SPRY3: variants seen among roughly 807,000 people sequenced by gnomAD.
The protein encoded by SPRY3 is sprouty RTK signaling antagonist 3.
In SPRY3, 15 loss-of-function variants were observed where a neutral mutation model predicts 20.2. The ratio of observed to expected loss-of-function variants is 0.74; its 90% CI spans 0.50 to 1.14. The LOEUF (loss-of-function observed/expected upper bound fraction) is 1.14. Among genes scored for constraint, SPRY3 ranks in the 50% most tolerant of loss-of-function variants. SPRY3 has a pLI of 0.00. For missense variants in SPRY3, 364 were observed against 363.9 expected (o/e 1.00, Z 0.00); for synonymous variants, 143 against 136.5 (o/e 1.05, Z -0.33).
At chrX:155,714,456 A>G (rs1248609966) in intron 2 of SPRY3, among the ~76,000 whole-genome samples, 1 of 152,192 alleles carries the variant, frequency 6.6e-6, no homozygotes, top group East Asian at 1.9e-4. Context: ...AAGATCTGGA[A>G]GAATTATCTG....
intron 2 of SPRY3, among the ~76,000 whole-genome samples, chrX:155,758,731 A>G (rs2091292716): frequency 6.6e-6 from 1 of 152,212 alleles, no homozygotes; most frequent in African/African-American, 2.4e-5. Context: ...AAAACAAAAC[A>G]TGACAAAATG....
intron 2 of SPRY3, among the ~76,000 whole-genome samples, chrX:155,766,333 G>A (rs2091329623): frequency 1.3e-5 from 2 of 152,086 alleles, no homozygotes; most frequent in Non-Finnish European, 2.9e-5. Context: ...TAGAAAGGAC[G>A]TTAGCAATTA....
chrX:155,779,442 C>G (rs371317088), downstream of SPRY3: 3 of 166,952 alleles, frequency 1.8e-5, no homozygotes, highest in African/African-American at 4.8e-5. Flanking sequence ...CTTCCTGAAC[C>G]TATTTATTCT....
At chrX:155,741,881 CTACTAA>C (rs2091205932) in intron 2 of SPRY3, among the ~76,000 whole-genome samples, 1 of 152,150 alleles carries the variant, frequency 6.6e-6, no homozygotes, top group South Asian at 2.1e-4. Context: ...TTGCCAGCCA[CTACTAA>C]AACACACTGA....
chrX:155,639,968 G>T (rs1272404275), intron 1 of SPRY3, among the ~76,000 whole-genome samples: 1 of 112,323 alleles, frequency 8.9e-6, no homozygotes, highest in Non-Finnish European at 1.9e-5. Flanking sequence ...AATTAATTAT[G>T]TTGGGCATCT....
chrX:155,643,430 T>C (rs1208906180), intron 1 of SPRY3, among the ~76,000 whole-genome samples: 7 of 112,003 alleles, frequency 6.2e-5, no homozygotes, highest in Non-Finnish European at 1.3e-4. Context: ...CTGTGTCTTT[T>C]GATTGGAGAG....
intron 2 of SPRY3, among the ~76,000 whole-genome samples, chrX:155,695,329 A>G (rs752230552): frequency 1.8e-5 from 2 of 111,901 alleles, no homozygotes; most frequent in South Asian, 7.5e-4. Context: ...TCTATGGGTT[A>G]TGATGAGAAG....
chrX:155,763,622 C>T (rs957538465), intron 2 of SPRY3, among the ~76,000 whole-genome samples: 14 of 152,132 alleles, frequency 9.2e-5, no homozygotes, highest in Non-Finnish European at 1.8e-4. Flanking sequence ...CAATATACCT[C>T]TTACATAAGA....
At position 155,684,460 on chromosome X, in the gene SPRY3, A is replaced by G. The variant is rs770062501; in HGVS notation, c.-282+27435A>G. The stretch of plus-strand genomic sequence containing the variant: ...TTTCACAATTCATTTAGAATCAATA[A>G]ATCTATTTAGAATCAGTATTTTACT... On this transcript the variant is annotated intron_variant, in intron 2 of 3. Coordinates refer to ENST00000675360, the Ensembl canonical transcript of SPRY3. 9.0e-5 allele frequency among the ~76,000 whole-genome samples: 10 copies of G among 111,688 alleles called. No homozygotes were observed. In the South Asian group the frequency reaches 3.8e-3, roughly 43 times the overall value.
chrX:155,615,258 C>G (rs1402870939), intron 1 of SPRY3, among the ~76,000 whole-genome samples: 1 of 112,738 alleles, frequency 8.9e-6, no homozygotes, highest in Non-Finnish European at 1.9e-5. Context: ...GACTCTTGCT[C>G]TAGGCCAAAT....
intron 2 of SPRY3, among the ~76,000 whole-genome samples, chrX:155,719,243 A>T (rs1439202424): frequency 6.6e-6 from 1 of 152,136 alleles, no homozygotes; most frequent in Non-Finnish European, 1.5e-5. Flanking sequence ...AACTCAGCTG[A>T]TGCCCGCCCA....
chrX:155,629,663 C>T (rs1167196502), intron 1 of SPRY3, among the ~76,000 whole-genome samples: 1 of 111,784 alleles, frequency 8.9e-6, no homozygotes, highest in African/African-American at 3.3e-5. Flanking sequence ...TCCTCTCCAG[C>T]ACCTGTTGTT....
At chrX:155,613,275 AAGTCATATACCGCTCATT>A (rs782142702) in intron 1 of SPRY3, among the ~76,000 whole-genome samples, 135 of 111,694 alleles carry the variant, frequency 1.2e-3, no homozygotes, top group African/African-American at 4.0e-3. Flanking sequence ...GAGTTTATGG[AAGTCATATACCGCTCATT>A]ACTCCCATCG....
intron 2 of SPRY3, among the ~76,000 whole-genome samples, chrX:155,671,693 T>C (rs782774848): frequency 6.0e-4 from 67 of 111,731 alleles, no homozygotes; most frequent in African/African-American, 2.2e-3. Context: ...GCCATTGCTT[T>C]TGGTGTTTTA....
intron 1 of SPRY3, among the ~76,000 whole-genome samples, chrX:155,625,853 T>TGAGCA (rs1227992332): frequency 8.9e-6 from 1 of 111,874 alleles, no homozygotes; most frequent in African/African-American, 3.2e-5. Context: ...ATTATTTCAC[T>TGAGCA]GAGCATAATG....
At chrX:155,708,404 A>G (rs2090965020) in intron 2 of SPRY3, among the ~76,000 whole-genome samples, 1 of 151,272 alleles carries the variant, frequency 6.6e-6, no homozygotes, top group Non-Finnish European at 1.5e-5. Flanking sequence ...ATTCCCTTAT[A>G]CATGATGAGT....
chrX:155,752,561 C>T, intron 2 of SPRY3, among the ~76,000 whole-genome samples: 1 of 151,300 alleles, frequency 6.6e-6, no homozygotes, highest in East Asian at 1.9e-4. Flanking sequence ...CTATTAAGTT[C>T]TTACAGATCC....
intron 2 of SPRY3, among the ~76,000 whole-genome samples, chrX:155,722,083 T>C (rs973681145): frequency 1.3e-5 from 2 of 152,196 alleles, no homozygotes; most frequent in East Asian, 3.8e-4. Context: ...AGTTAAGGTA[T>C]AGAGTTTTTA....
chrX:155,771,773 A>G (rs1389484040), intron 3 of SPRY3, among the ~76,000 whole-genome samples: 1 of 152,194 alleles, frequency 6.6e-6, no homozygotes, highest in Non-Finnish European at 1.5e-5. Flanking sequence ...GGCAGGTTGC[A>G]TGAGCCTTTG....
Sources: allele counts gnomAD v4.1 joint callset (sites outside exome capture counted in the v4.1 genomes callset), GRCh38; gene constraint gnomAD v4.1.1; transcripts MANE v1.5; gene names NCBI Gene and HGNC (gene_info 2026-07-23, HGNC 2026-07-21).